Variants in GYS2 observed in about 807,000 individuals in gnomAD.
The protein encoded by GYS2 is glycogen synthase 2, also known as glycogen [starch] synthase, liver.
Under a neutral mutation model 85.6 loss-of-function variants are expected in GYS2, and 80 were observed. That is an observed-to-expected ratio of 0.93 (90% CI 0.78 to 1.13). The LOEUF (loss-of-function observed/expected upper bound fraction) is 1.13. Among genes scored for constraint, GYS2 ranks in the 50% most tolerant of loss-of-function variants. GYS2 has a pLI of 0.00. For missense variants in GYS2, 881 were observed against 854.9 expected (o/e 1.03, Z -0.38); for synonymous variants, 328 against 300.7 (o/e 1.09, Z -0.94).
At chr12:21,533,963 T>C (rs929859256), downstream of GYS2, among the ~76,000 whole-genome samples, 1 of 152,200 alleles carries the variant, frequency 6.6e-6, no homozygotes, top group Non-Finnish European at 1.5e-5. Context: ...AAGGCAGCTC[T>C]CTGGGGCCTC....
At chr12:21,543,641 T>C (rs952219724) in intron 12 of GYS2, among the ~76,000 whole-genome samples, 1 of 152,094 alleles carries the variant, frequency 6.6e-6, no homozygotes, top group Non-Finnish European at 1.5e-5. Flanking sequence ...GTTCGTTACA[T>C]AGGTATACAT....
intron 1 of GYS2, among the ~76,000 whole-genome samples, chr12:21,585,911 T>G (rs1944567452): frequency 6.6e-6 from 1 of 152,216 alleles, no homozygotes; most frequent in Non-Finnish European, 1.5e-5. Flanking sequence ...ATAGTTTTAG[T>G]ATGTTAGGCA....
At chr12:21,560,732 T>C (rs951713277) in intron 7 of GYS2, among the ~76,000 whole-genome samples, 1 of 152,196 alleles carries the variant, frequency 6.6e-6, no homozygotes, top group African/African-American at 2.4e-5. Context: ...TGACTTTCAA[T>C]CAGTATTTGT....
chr12:21,582,896 C>A (rs995507811), intron 1 of GYS2, among the ~76,000 whole-genome samples: 1 of 152,142 alleles, frequency 6.6e-6, no homozygotes, highest in African/African-American at 2.4e-5. Context: ...TGATTCAACG[C>A]TTGTGAGAGG....
Position 21,568,981 on chromosome 12 carries a change from C to A in GYS2, c.707G>T (p.Arg236Met). 6.2e-7 allele frequency: 1 copy of A among 1,614,098 alleles called. No individual in the cohort carries two copies. Among genetic ancestry groups the A allele is most frequent in the Non-Finnish European group, 8.5e-7 (1 of 1,179,962 alleles). The change falls in exon 5 of 16, where the codon AGG (arginine) becomes ATG (methionine). Residue 236 changes from arginine to methionine, a missense_variant. Transcript: ENST00000261195. Reference protein sequence around the residue: ...KFNIDKEAGERQIYHRYCMER... With the variant: ...KFNIDKEAGEMQIYHRYCMER... ...CATGCAGTACCGGTGGTAAATCTGC[C>A]TTTCCCCAGCCTCTTTGTCAATGTT...
At chr12:21,541,518 A>G (rs1943976151) in intron 13 of GYS2, among the ~76,000 whole-genome samples, 1 of 152,068 alleles carries the variant, frequency 6.6e-6, no homozygotes, top group Non-Finnish European at 1.5e-5. Context: ...TATGCACTCT[A>G]AGACCATGGT....
intron 1 of GYS2, among the ~76,000 whole-genome samples, chr12:21,588,803 C>G (rs1426680406): frequency 1.3e-5 from 2 of 152,206 alleles, no homozygotes; most frequent in African/African-American, 4.8e-5. Context: ...AGTATTTCCT[C>G]AAATTCTGGA....
chr12:21,560,318 A>T (rs1944236861), intron 8 of GYS2, 68 bp downstream of exon 8: 4 of 860,304 alleles, frequency 4.6e-6, no homozygotes, highest in Non-Finnish European at 8.1e-6. Context: ...GATACATGAG[A>T]TGTCATTCAC....
chr12:21,587,516 G>C (rs1480905176), intron 1 of GYS2, among the ~76,000 whole-genome samples: 1 of 151,940 alleles, frequency 6.6e-6, no homozygotes, highest in East Asian at 1.9e-4. Flanking sequence ...CCTTTTGCTT[G>C]GCACTTCTAC....
Position 21,559,128 on chromosome 12 carries a change from T to A in GYS2, c.1271A>T (p.Asp424Val), listed in dbSNP as rs200907849. ...GATGGCTCTTTTCATAATTGTTAGA[T>A]CATCTCGATCTAAAATATCGTTCAG... is the stretch of plus-strand genomic sequence containing the variant. The part of the protein sequence containing the change: ...PDLNDILDRD[D>V]LTIMKRAIFS... The change falls in exon 10 of 16, where the codon GAT becomes GTT. Residue 424 changes from aspartate (D) to valine (V), a missense_variant. By Grantham distance (152) the Asp-to-Val change is radical. Transcript: ENST00000261195. 1.2e-6 allele frequency: 2 copies of A among 1,609,652 alleles called. No homozygotes were observed. Among genetic ancestry groups the A allele is most frequent in the East Asian group, 4.5e-5 (2 of 44,656 alleles).
intron 1 of GYS2, among the ~76,000 whole-genome samples, chr12:21,587,801 T>A (rs1231512722): frequency 1.3e-5 from 2 of 151,800 alleles, no homozygotes; most frequent in Admixed American, 6.6e-5. Context: ...ATGGGGTAAT[T>A]AAAAGGGTGA....
downstream of GYS2, among the ~76,000 whole-genome samples, chr12:21,534,626 A>G (rs943510566): frequency 2.0e-5 from 3 of 152,106 alleles, no homozygotes; most frequent in Non-Finnish European, 4.4e-5. Context: ...AAAGAAAAAA[A>G]GAGAGAAAGA....
chr12:21,548,953 G>C (rs1944074202), intron 11 of GYS2, among the ~76,000 whole-genome samples: 1 of 152,084 alleles, frequency 6.6e-6, no homozygotes, highest in Non-Finnish European at 1.5e-5. Context: ...AGTTTTCATA[G>C]AATGAAAATA....
chr12:21,557,882 G>A (rs1344513864), intron 11 of GYS2, among the ~76,000 whole-genome samples: 1 of 152,022 alleles, frequency 6.6e-6, no homozygotes, highest in Non-Finnish European at 1.5e-5. Context: ...CTGGGCGACA[G>A]AGCGAGACTC....
chr12:21,601,494 A>G (rs112640174), intron 1 of GYS2, among the ~76,000 whole-genome samples: 13 of 152,284 alleles, frequency 8.5e-5, no homozygotes, highest in African/African-American at 2.9e-4. Flanking sequence ...CTTCGAACAG[A>G]GAACACTTCT....
At chr12:21,549,570 C>T (rs981790659) in intron 11 of GYS2, among the ~76,000 whole-genome samples, 1 of 152,174 alleles carries the variant, frequency 6.6e-6, no homozygotes, top group Non-Finnish European at 1.5e-5. Flanking sequence ...TGTCACATCG[C>T]TTTAGAGTCC....
In GYS2 at chr12:21,574,156, G is replaced by A. The variant is rs1157704107; in HGVS notation, c.666C>T (p.Asn222=). Residue 222 remains asparagine, a synonymous_variant, in exon 4 of 16, where the codon AAC becomes AAT. Coordinates refer to ENST00000261195, the MANE Select transcript of GYS2 (RefSeq NM_021957.4). ...YLCAANIDFY[N]HLDKFNIDKE... ...AAGGAATATTTACCTTATCAAGATG[G>A]TTGTAGAAATCAATATTTGCTGCAC... The A allele has an allele frequency of 6.2e-7, 1 of 1,610,464 alleles. No homozygotes were observed. The highest frequency in any genetic ancestry group is 1.7e-5 in the Admixed American group (1 of 60,012).
chr12:21,563,225 T>C lies in GYS2; in HGVS notation c.941+3A>G. On this transcript the variant is annotated splice_donor_region_variant and intron_variant, in intron 6 of 15. Coordinates refer to ENST00000261195, the MANE Select transcript of GYS2 (RefSeq NM_021957.4). ...TTTTTCTTTTTAATAAAGAAAATCATACCCATAGAAATGACCTCGAACAAA... is the reference window on the plus strand; with the variant it reads ...TTTTTCTTTTTAATAAAGAAAATCACACCCATAGAAATGACCTCGAACAAA... The C allele has an allele frequency of 6.5e-7, 1 of 1,527,056 alleles. No homozygotes were observed. Among genetic ancestry groups the C allele is most frequent in the Non-Finnish European group, 9.1e-7 (1 of 1,100,754 alleles). 94.6% of individuals were successfully genotyped at this position (1,527,056 alleles called of 1,614,324 possible).
chr12:21,538,253 C>T (rs183098844), intron 15 of GYS2, among the ~76,000 whole-genome samples: 6 of 152,204 alleles, frequency 3.9e-5, no homozygotes, highest in African/African-American at 9.6e-5. Context: ...ACCTTTTTTA[C>T]GGGCAAATTT....
Sources: gnomAD v4.1 joint callset for allele counts (sites outside exome capture counted in the v4.1 genomes callset) on GRCh38, gnomAD v4.1.1 for gene constraint, MANE v1.5 for transcripts, NCBI Gene and HGNC (gene_info 2026-07-23, HGNC 2026-07-21) for gene names.